The following DLG2 variants were observed in gnomAD, a reference collection of about 807,000 sequenced individuals.
DLG2 encodes disks large homolog 2.
DLG2 carries 45 observed loss-of-function variants against 132.5 expected under a neutral mutation model. The observed-to-expected ratio is 0.34, with a 90% CI of 0.27 to 0.44. The LOEUF is 0.44. Ranked by LOEUF, DLG2 falls within the 20% of genes least tolerant of loss-of-function variation. The pLI is 1.00. For missense variants in DLG2, 1,045 were observed against 1,196.9 expected, an observed-to-expected ratio of 0.87 and a Z score of 1.87; for synonymous variants, 424 against 419.6, an observed-to-expected ratio of 1.01 and a Z score of -0.13.
chr11:85,536,591 G>A (rs979882403), intron 3 of DLG2, among the ~76,000 whole-genome samples: 1 of 152,192 alleles, frequency 6.6e-6, no homozygotes, highest in Admixed American at 6.5e-5. Context: ...GGCTGGAGCC[G>A]GCTCCCTCTG....
intron 7 of DLG2, among the ~76,000 whole-genome samples, chr11:84,509,395 C>T (rs1165410945): frequency 6.6e-6 from 1 of 152,148 alleles, no homozygotes; most frequent in African/African-American, 2.4e-5. Context: ...AGTATGAGAT[C>T]TCTTATATTG....
intron 7 of DLG2, among the ~76,000 whole-genome samples, chr11:84,319,875 C>T (rs185174164): frequency 2.6e-5 from 4 of 152,266 alleles, no homozygotes; most frequent in African/African-American, 9.6e-5. Flanking sequence ...CAGTTTAGTA[C>T]ATGTAAAGTA....
intron 7 of DLG2, among the ~76,000 whole-genome samples, chr11:84,422,863 T>C (rs974302801): frequency 6.6e-6 from 1 of 152,162 alleles, no homozygotes; most frequent in Non-Finnish European, 1.5e-5. Context: ...AAGCTAAAGG[T>C]ACTTAGTTGA....
At chr11:85,599,631 C>T (rs2080014431) in intron 2 of DLG2, among the ~76,000 whole-genome samples, 1 of 152,102 alleles carries the variant, frequency 6.6e-6, no homozygotes, top group Admixed American at 6.6e-5. Flanking sequence ...CAATATCCAG[C>T]ACACAGAAAA....
chr11:84,501,233 G>A (rs761659412), intron 7 of DLG2, among the ~76,000 whole-genome samples: 8 of 152,068 alleles, frequency 5.3e-5, no homozygotes, highest in African/African-American at 7.2e-5. Flanking sequence ...TTATACAAAC[G>A]GTCACTTATT....
intron 6 of DLG2, among the ~76,000 whole-genome samples, chr11:84,832,414 C>G (rs1288792128): frequency 6.6e-6 from 1 of 151,606 alleles, no homozygotes; most frequent in Non-Finnish European, 1.5e-5. Flanking sequence ...CCTGGTGCTT[C>G]TAGAAATCTT....
At chr11:84,409,469 A>C (rs1344930199) in intron 7 of DLG2, among the ~76,000 whole-genome samples, 1 of 152,226 alleles carries the variant, frequency 6.6e-6, no homozygotes, top group Non-Finnish European at 1.5e-5. Flanking sequence ...TAACATGATA[A>C]TAAAAAAGAA....
chr11:85,272,868 A>G (rs1261826523), intron 4 of DLG2, among the ~76,000 whole-genome samples: 1 of 152,356 alleles, frequency 6.6e-6, no homozygotes, highest in African/African-American at 2.4e-5. Context: ...ACAAGGCTAC[A>G]GTAACCAAAA....
intron 6 of DLG2, among the ~76,000 whole-genome samples, chr11:84,883,349 A>C (rs2087678381): frequency 6.6e-6 from 1 of 151,962 alleles, no homozygotes; most frequent in East Asian, 1.9e-4. Flanking sequence ...TAAGACAAAT[A>C]CCTAATGTAT....
intron 6 of DLG2, among the ~76,000 whole-genome samples, chr11:84,647,330 C>T (rs1477327108): frequency 3.9e-5 from 6 of 152,050 alleles, no homozygotes; most frequent in East Asian, 3.9e-4. Flanking sequence ...CCTATCGTTA[C>T]AATCATCACC....
intron 18 of DLG2, among the ~76,000 whole-genome samples, chr11:83,700,325 G>A (rs1362121088): frequency 6.6e-6 from 1 of 152,136 alleles, no homozygotes; most frequent in Non-Finnish European, 1.5e-5. Flanking sequence ...AAGAGAGGTG[G>A]AGACAAGTTG....
intron 6 of DLG2, among the ~76,000 whole-genome samples, chr11:84,552,197 T>C (rs2099403088): frequency 6.6e-6 from 1 of 152,174 alleles, no homozygotes; most frequent in African/African-American, 2.4e-5. Flanking sequence ...TTTATCTCCA[T>C]TGTCCACTCC....
chr11:83,917,845 T>C (rs2077179418), intron 15 of DLG2, among the ~76,000 whole-genome samples: 1 of 152,210 alleles, frequency 6.6e-6, no homozygotes, highest in South Asian at 2.1e-4. Flanking sequence ...AAATATATTC[T>C]GTTTTCATAG....
Position 85,465,186 on chromosome 11 carries a change from A to G in DLG2, c.40+133471T>C, listed in dbSNP as rs538306128. On this transcript the variant is annotated intron_variant, in intron 3 of 27. Coordinates refer to ENST00000376104, the MANE Select transcript of DLG2 (RefSeq NM_001142699.3). ...GAAACAGGGTCTTTCTCTGTTACCCAGGGTTAATTGTCGTGGCACAATCAT... is the reference window on the plus strand; with the variant it reads ...GAAACAGGGTCTTTCTCTGTTACCCGGGGTTAATTGTCGTGGCACAATCAT... Among the ~76,000 whole-genome samples, 17 of 137,994 alleles carry G rather than the reference A, an allele frequency of 1.2e-4. No homozygotes were observed. In the East Asian group the frequency reaches 3.9e-3, roughly 32 times the overall value. 90.5% of individuals were successfully genotyped at this position (137,994 alleles called of 152,430 possible). A position where few individuals can be genotyped will look rare whatever the true frequency, so the allele number is the denominator to read the frequency against.
At chr11:83,668,818 A>AC (rs1566434480) in intron 18 of DLG2, among the ~76,000 whole-genome samples, 2 of 101,502 alleles carry the variant, frequency 2.0e-5, no homozygotes, top group Non-Finnish European at 3.8e-5. Flanking sequence ...TGTGTATATA[A>AC]ACATATATAT....
chr11:83,942,565 G>T (rs11233830), intron 14 of DLG2, among the ~76,000 whole-genome samples: 7,130 of 152,156 alleles, frequency 0.047, 202 homozygotes, highest in East Asian at 0.15. Flanking sequence ...GACATAAACT[G>T]AGCAATAGTT....
At chr11:85,052,501 T>A (rs1397463341) in intron 6 of DLG2, among the ~76,000 whole-genome samples, 1 of 152,214 alleles carries the variant, frequency 6.6e-6, no homozygotes, top group Non-Finnish European at 1.5e-5. Context: ...TGTTCTATTT[T>A]AACAACATAA....
At chr11:84,161,013 T>A (rs1331240959) in intron 9 of DLG2, among the ~76,000 whole-genome samples, 1 of 152,168 alleles carries the variant, frequency 6.6e-6, no homozygotes, top group Non-Finnish European at 1.5e-5. Context: ...TCTAAAGAAG[T>A]GTATAAGAAT....
intron 3 of DLG2, among the ~76,000 whole-genome samples, chr11:85,509,447 C>T (rs972429655): frequency 1.3e-5 from 2 of 152,066 alleles, no homozygotes; most frequent in East Asian, 1.9e-4. Context: ...TTGACTAACC[C>T]GAATGCTTGC....
Sources: allele counts gnomAD v4.1 joint callset (sites outside exome capture counted in the v4.1 genomes callset), GRCh38; gene constraint gnomAD v4.1.1; transcripts MANE v1.5; gene names NCBI Gene and HGNC (gene_info 2026-07-23, HGNC 2026-07-21).